The following ACADL variants were observed in gnomAD, a reference collection of about 807,000 sequenced individuals.
The protein encoded by ACADL is long-chain specific acyl-CoA dehydrogenase, mitochondrial.
In ACADL, 60 loss-of-function variants were observed where a neutral mutation model predicts 56.9. The observed-to-expected ratio is 1.05, with a 90% CI of 0.86 to 1.31. The LOEUF (loss-of-function observed/expected upper bound fraction) is 1.31, where lower values mean the gene tolerates loss of function less well. ACADL is among the 50% of genes most tolerant of loss of function. The pLI, the probability that ACADL is intolerant of heterozygous loss-of-function variation, is 0.00. For missense variants in ACADL, 484 were observed against 525.5 expected, an observed-to-expected ratio of 0.92 and a Z score of 0.77; for synonymous variants, 158 against 179.7, an observed-to-expected ratio of 0.88 and a Z score of 0.97.
At chr2:210,203,670 T>C (rs1313364037) in intron 7 of ACADL, among the ~76,000 whole-genome samples, 1 of 152,174 alleles carries the variant, frequency 6.6e-6, no homozygotes, top group South Asian at 2.1e-4. Context: ...CCTTTATTTT[T>C]TTATAATCTT....
chr2:210,190,400 A>G (rs927957239), intron 10 of ACADL, among the ~76,000 whole-genome samples: 1 of 152,146 alleles, frequency 6.6e-6, no homozygotes, highest in African/African-American at 2.4e-5. Flanking sequence ...ATATATATAT[A>G]TATATTTGTA....
intron 9 of ACADL, among the ~76,000 whole-genome samples, chr2:210,193,297 A>G (rs536136888): frequency 2.0e-5 from 3 of 152,306 alleles, no homozygotes; most frequent in South Asian, 2.1e-4. Context: ...TTTTTCTCCA[A>G]TGATGTCACT....
At position 210,205,664 on chromosome 2, in the gene ACADL, G is replaced by T; in HGVS notation, c.736C>A (p.Arg246=). ...ENGMKGFIKG[R]KLHKMGLKAQ... ...TTTAATCCCATTTTATGTAGCTTTCGTCCCTTGATAAATCCTTTCATTCCA... is the reference window on the plus strand; with the variant it reads ...TTTAATCCCATTTTATGTAGCTTTCTTCCCTTGATAAATCCTTTCATTCCA... Residue 246 remains arginine (R), a synonymous_variant, in exon 6 of 11, where the codon CGA becomes AGA. Coordinates refer to ENST00000233710, the MANE Select transcript of ACADL (RefSeq NM_001608.4). 1 of 1,613,698 alleles carries T rather than the reference G, an allele frequency of 6.2e-7. No individual in the cohort carries two copies. Among genetic ancestry groups the T allele is most frequent in the Non-Finnish European group, 8.5e-7 (1 of 1,179,906 alleles).
intron 3 of ACADL, 44 bp from the exon 4 acceptor site, chr2:210,216,555 T>A (rs772917241): frequency 1.9e-6 from 3 of 1,548,882 alleles, no homozygotes; most frequent in Non-Finnish European, 2.7e-6. Context: ...AAAATAGCAA[T>A]AAAAAACGAC....
intron 10 of ACADL, among the ~76,000 whole-genome samples, chr2:210,191,950 A>C (rs1489159546): frequency 6.6e-6 from 1 of 152,128 alleles, no homozygotes; most frequent in South Asian, 2.1e-4. Context: ...AGAAATATGA[A>C]TGGGGACACT....
intron 9 of ACADL, among the ~76,000 whole-genome samples, chr2:210,193,350 C>T (rs1327992438): frequency 6.6e-6 from 1 of 152,006 alleles, no homozygotes; most frequent in Non-Finnish European, 1.5e-5. Flanking sequence ...TATAAAAAAG[C>T]AATTTTTTAG....
intron 2 of ACADL, among the ~76,000 whole-genome samples, chr2:210,218,850 A>C (rs1267404149): frequency 6.6e-6 from 1 of 152,190 alleles, no homozygotes; most frequent in Non-Finnish European, 1.5e-5. Flanking sequence ...TACAGTTTAA[A>C]TAGGAAGAAC....
chr2:210,205,576 A>G, intron 6 of ACADL, 56 bp downstream of exon 6: 2 of 1,561,716 alleles, frequency 1.3e-6, no homozygotes, highest in South Asian at 1.1e-5. Flanking sequence ...TAAGTCTCCT[A>G]TCTGATTAAC....
chr2:210,224,567 C>T (rs1689234996), intron 1 of ACADL: 1 of 985,458 alleles, frequency 1.0e-6, no homozygotes, highest in African/African-American at 1.7e-5. Flanking sequence ...ACTACTTAGA[C>T]TCTGTCTTCA....
At chr2:210,193,841 AT>A (rs35968284) in intron 9 of ACADL, among the ~76,000 whole-genome samples, 1 of 151,994 alleles carries the variant, frequency 6.6e-6, no homozygotes, top group East Asian at 1.9e-4. Context: ...CCCACTACTT[AT>A]TTTTCAATAG....
intron 10 of ACADL, among the ~76,000 whole-genome samples, chr2:210,190,923 G>GTT (rs55775332): frequency 0.013 from 1,845 of 142,214 alleles, 26 homozygotes; most frequent in Non-Finnish European, 0.02. Flanking sequence ...GTTGTTGTTT[G>GTT]TTTTTTTTTT....
intron 6 of ACADL, 86 bp downstream of exon 6, chr2:210,205,546 G>T: frequency 7.5e-7 from 1 of 1,334,338 alleles, no homozygotes; most frequent in Non-Finnish European, 1.1e-6. Flanking sequence ...ATAAAATTGT[G>T]CCACATGTAA....
At chr2:210,195,105 T>A in intron 9 of ACADL, 106 bp downstream of exon 9, 1 of 1,449,196 alleles carries the variant, frequency 6.9e-7, no homozygotes, top group East Asian at 2.3e-5. Flanking sequence ...TTATTTTTCA[T>A]TTCACAGATT....
At chr2:210,214,467 A>G (rs200472158) in intron 4 of ACADL, among the ~76,000 whole-genome samples, 2 of 122,336 alleles carry the variant, frequency 1.6e-5, no homozygotes, top group Admixed American at 9.3e-5. Context: ...GACCTTCCAA[A>G]AAAGAAAGAA....
intron 8 of ACADL, among the ~76,000 whole-genome samples, chr2:210,198,354 A>C (rs1384411476): frequency 1.3e-5 from 2 of 152,174 alleles, no homozygotes; most frequent in African/African-American, 4.8e-5. Flanking sequence ...TTTGATAGTT[A>C]ATTAGTCCCA....
intron 10 of ACADL, among the ~76,000 whole-genome samples, chr2:210,191,777 T>G (rs1301505738): frequency 2.0e-5 from 3 of 152,126 alleles, no homozygotes; most frequent in Non-Finnish European, 2.9e-5. Flanking sequence ...AAACTGAACT[T>G]TTCTGTATAA....
At chr2:210,214,907 A>T (rs902021429) in intron 4 of ACADL, among the ~76,000 whole-genome samples, 1 of 152,224 alleles carries the variant, frequency 6.6e-6, no homozygotes, top group African/African-American at 2.4e-5. Context: ...AATTGTTAGT[A>T]TTGACCTATA....
chr2:210,217,690 G>A (rs1396717472), intron 3 of ACADL: 2 of 376,324 alleles, frequency 5.3e-6, no homozygotes, highest in Non-Finnish European at 9.7e-6. Context: ...TTTCTAAGGG[G>A]GAAAAGTAAC....
At chr2:210,201,265 A>C (rs1688787786) in intron 8 of ACADL, among the ~76,000 whole-genome samples, 1 of 152,132 alleles carries the variant, frequency 6.6e-6, no homozygotes, top group Non-Finnish European at 1.5e-5. Flanking sequence ...TTCATTTAAT[A>C]AACCCTGCCC....
Sources: gnomAD v4.1 joint callset for allele counts (sites outside exome capture counted in the v4.1 genomes callset) on GRCh38, gnomAD v4.1.1 for gene constraint, MANE v1.5 for transcripts, NCBI Gene and HGNC (gene_info 2026-07-23, HGNC 2026-07-21) for gene names.